ATXN10: variants seen among roughly 807,000 people sequenced by gnomAD.
ATXN10 encodes ataxin-10.
A neutral mutation model predicts 52.9 loss-of-function variants in ATXN10; 28 were observed. The observed-to-expected ratio is 0.53, with a 90% CI of 0.39 to 0.73. ATXN10 has a LOEUF of 0.73. ATXN10 is among the 30% of genes least tolerant of loss of function. ATXN10 has a pLI of 0.00. For missense variants in ATXN10, 565 were observed against 577.0 expected (o/e 0.98, Z 0.21); for synonymous variants, 226 against 221.5 (o/e 1.02, Z -0.18).
At chr22:45,834,776 G>GTGC (rs1929110619) in intron 10 of ATXN10, among the ~76,000 whole-genome samples, 1 of 152,178 alleles carries the variant, frequency 6.6e-6, no homozygotes, top group Non-Finnish European at 1.5e-5. Context: ...GTCAGAGCTC[G>GTGC]TGCACCGTGG....
chr22:45,800,669 GGATAAAA>G lies in ATXN10; in HGVS notation c.1174-6289_1174-6283del, dbSNP rs1601654962. Among the ~76,000 whole-genome samples, 4 of 152,264 alleles carry G rather than the reference GGATAAAA, an allele frequency of 2.6e-5. No individual in the cohort carries two copies. The East Asian group carries it at 7.7e-4, about 29-fold the overall frequency. On this transcript the variant is annotated intron_variant, in intron 9 of 11. Coordinates refer to ENST00000252934, the MANE Select transcript of ATXN10 (RefSeq NM_013236.4). ...TGTTCATAGCATCTCCATTCATTGC[GGATAAAA>G]CTGGTATCAACCCAGTGGCCATCAA...
chr22:45,705,743 T>TA lies in ATXN10; in HGVS notation c.647+2897dup, dbSNP rs1569029999. On this transcript the variant is annotated intron_variant, in intron 5 of 11. Coordinates refer to ENST00000252934, the MANE Select transcript of ATXN10 (RefSeq NM_013236.4). This position sits in a 1 kb window ranked among gnomAD's most constrained non-coding sequence, Gnocchi z 5.2. ...GCCACCGCGCCCGGCCTCCACTTGT[T>TA]ACGGGTCTATTCAGATTGTTGTCTT... 1.3e-5 allele frequency among the ~76,000 whole-genome samples: 2 copies of TA among 152,132 alleles called. No individual in the cohort carries two copies. The highest frequency in any genetic ancestry group is 2.9e-5 in the Non-Finnish European group (2 of 68,018).
At chr22:45,742,594 A>G (rs553926439) in intron 9 of ATXN10, among the ~76,000 whole-genome samples, 3 of 152,344 alleles carry the variant, frequency 2.0e-5, no homozygotes, top group African/African-American at 7.2e-5. Context: ...GAGCCAGTAC[A>G]CTTTAAGATA....
chr22:45,671,912 C>A lies in ATXN10; in HGVS notation c.-152C>A. ...GCGGCGGCGCAGCTTCAGGGCAGCGCGGGCTGCAGCGGCGGCGGCGGTTAG... is the reference window on the plus strand; with the variant it reads ...GCGGCGGCGCAGCTTCAGGGCAGCGAGGGCTGCAGCGGCGGCGGCGGTTAG... On this transcript the variant is annotated 5_prime_UTR_variant, in exon 1 of 12. Coordinates refer to ENST00000252934, the MANE Select transcript of ATXN10 (RefSeq NM_013236.4). 2.4e-6 allele frequency: 2 copies of A among 816,650 alleles called. No individual in the cohort carries two copies. The highest frequency in any genetic ancestry group is 3.7e-6 in the Non-Finnish European group (2 of 541,928). 50.6% of individuals were successfully genotyped at this position (816,650 alleles called of 1,614,324 possible).
At chr22:45,756,202 G>T (rs1440584538) in intron 9 of ATXN10, among the ~76,000 whole-genome samples, 1 of 152,136 alleles carries the variant, frequency 6.6e-6, no homozygotes, top group African/African-American at 2.4e-5. Flanking sequence ...CTGGAGTGCA[G>T]TGGTGTGAAC....
chr22:45,725,844 A>G (rs1316680960), intron 6 of ATXN10, among the ~76,000 whole-genome samples: 1 of 151,958 alleles, frequency 6.6e-6, no homozygotes, highest in South Asian at 2.1e-4. Context: ...TGTTCCTTCT[A>G]TGCCCAGATT....
At position 45,759,241 on chromosome 22, in the gene ATXN10, G is replaced by A. The variant is rs1926289284; in HGVS notation, c.1173+18703G>A. 6.6e-6 allele frequency among the ~76,000 whole-genome samples: 1 copy of A among 152,224 alleles called. No homozygotes were observed. Among genetic ancestry groups the A allele is most frequent in the African/African-American group, 2.4e-5 (1 of 41,468 alleles). ...TAAAAGATTCTAGAGTCCGGGCATG[G>A]TGGTTCACACCTGTAATCCCAACAC... On this transcript the variant is annotated intron_variant, in intron 9 of 11. Coordinates refer to ENST00000252934, the MANE Select transcript of ATXN10 (RefSeq NM_013236.4). The surrounding 1 kb of genome is among the most constrained non-coding windows in gnomAD (Gnocchi z 5.4).
chr22:45,773,023 G>T (rs1224608745), intron 9 of ATXN10, among the ~76,000 whole-genome samples: 1 of 152,066 alleles, frequency 6.6e-6, no homozygotes, highest in African/African-American at 2.4e-5. Context: ...AGATATTTTT[G>T]ATCTGCAGTT....
intron 10 of ATXN10, among the ~76,000 whole-genome samples, chr22:45,811,318 T>C (rs571585214): frequency 1.3e-5 from 2 of 152,328 alleles, no homozygotes; most frequent in African/African-American, 4.8e-5. Flanking sequence ...TTTGGATTGG[T>C]ATTTACATGG....
At position 45,696,367 on chromosome 22, in the gene ATXN10, G is replaced by T. The variant is rs112927940; in HGVS notation, c.391+3289G>T. Among the ~76,000 whole-genome samples, 3 of 152,190 alleles carry T rather than the reference G, an allele frequency of 2.0e-5. No individual in the cohort carries two copies. Among genetic ancestry groups the T allele is most frequent in the Admixed American group, 6.5e-5 (1 of 15,284 alleles). On this transcript the variant is annotated intron_variant, in intron 3 of 11. Transcript: ENST00000252934. This position sits in a 1 kb window ranked among gnomAD's most constrained non-coding sequence, Gnocchi z 4.7. The stretch of plus-strand genomic sequence containing the variant: ...TTATAATTGGTGATCCTGATGGGGC[G>T]GGCAGTGTGGCGCTCCAGAGCTGCT...
Position 45,688,839 on chromosome 22 carries a change from T to TA in ATXN10, c.117-869dup, listed in dbSNP as rs918097355. ...AATGTGGCAACTTTCCTTCTAACGT[T>TA]AAAAGAGATTTGCTGTTTCTTTAGG... On this transcript the variant is annotated intron_variant, in intron 1 of 11. Coordinates refer to ENST00000252934, the MANE Select transcript of ATXN10 (RefSeq NM_013236.4). The surrounding 1 kb of genome is among the most constrained non-coding windows in gnomAD (Gnocchi z 4.0). 5.3e-5 allele frequency among the ~76,000 whole-genome samples: 8 copies of TA among 152,238 alleles called. No homozygotes were observed. The highest frequency in any genetic ancestry group is 1.2e-4 in the Non-Finnish European group (8 of 68,042).
chr22:45,802,325 G>C (rs1460196726), intron 9 of ATXN10, among the ~76,000 whole-genome samples: 2 of 152,202 alleles, frequency 1.3e-5, no homozygotes, highest in African/African-American at 4.8e-5. Flanking sequence ...CAACTTTCTT[G>C]TTTAATGAAG....
intron 10 of ATXN10, among the ~76,000 whole-genome samples, chr22:45,807,481 A>T (rs577481393): frequency 6.6e-5 from 10 of 152,334 alleles, no homozygotes; most frequent in Admixed American, 2.6e-4. Flanking sequence ...GCTCCCTAGC[A>T]AGAGGAAGGA....
rs2146729558 is a variant in ATXN10, at chr22:45,683,212, G to C, written c.117-6500G>C. Among the ~76,000 whole-genome samples the C allele has an allele frequency of 6.6e-6, 1 of 152,304 alleles. No individual in the cohort carries two copies. The highest frequency in any genetic ancestry group is 2.1e-4 in the South Asian group (1 of 4,830). ...CACATGCCTGAAATTCTACCTACTTGGGAGGCTGAGGCATGAGAATTGCTT... is the reference window on the plus strand; with the variant it reads ...CACATGCCTGAAATTCTACCTACTTCGGAGGCTGAGGCATGAGAATTGCTT... On this transcript the variant is annotated intron_variant, in intron 1 of 11. Coordinates refer to ENST00000252934, the MANE Select transcript of ATXN10 (RefSeq NM_013236.4). The surrounding 1 kb of genome is among the most constrained non-coding windows in gnomAD (Gnocchi z 4.8).
intron 9 of ATXN10, among the ~76,000 whole-genome samples, chr22:45,804,178 C>T (rs1928022581): frequency 6.6e-6 from 1 of 152,166 alleles, no homozygotes; most frequent in Admixed American, 6.5e-5. Flanking sequence ...TACAAACTGA[C>T]AGTGGTCTCC....
At chr22:45,710,946 C>G (rs1400291231) in intron 5 of ATXN10, among the ~76,000 whole-genome samples, 1 of 152,094 alleles carries the variant, frequency 6.6e-6, no homozygotes, top group Non-Finnish European at 1.5e-5. Context: ...TTCTCCTGAA[C>G]CAGATAAGAC....
intron 10 of ATXN10, chr22:45,811,733 C>T (rs1207431302): frequency 4.2e-6 from 2 of 471,042 alleles, no homozygotes; most frequent in Non-Finnish European, 8.8e-6. Context: ...TCATTGCTGG[C>T]CCTGAACTTC....
intron 10 of ATXN10, among the ~76,000 whole-genome samples, chr22:45,822,240 A>G (rs1003429360): frequency 6.6e-6 from 1 of 152,124 alleles, no homozygotes; most frequent in African/African-American, 2.4e-5. Context: ...CTTTGGGGCT[A>G]TTACAGTTAT....
rs1237864677 is a variant in ATXN10 at position 45,733,792 on chromosome 22, T to G, written c.894+4202T>G. The stretch of plus-strand genomic sequence containing the variant: ...AAAAGTTACAAAGTTTTCCCCTTTT[T>G]GCCCAGCCTCCATTTGTTTTCTATA... On this transcript the variant is annotated intron_variant, in intron 7 of 11. Transcript: ENST00000252934. The surrounding 1 kb of genome is among the most constrained non-coding windows in gnomAD (Gnocchi z 4.4). 1.3e-5 allele frequency among the ~76,000 whole-genome samples: 2 copies of G among 151,236 alleles called. No individual in the cohort carries two copies.
Sources: gnomAD v4.1 joint callset for allele counts (sites outside exome capture counted in the v4.1 genomes callset) on GRCh38, gnomAD v4.1.1 for gene constraint, Gnocchi (gnomAD v3.1) non-coding constraint, MANE v1.5 for transcripts, NCBI Gene and HGNC (gene_info 2026-07-23, HGNC 2026-07-21) for gene names.